The following POC5 variants were observed in gnomAD, a reference collection of about 807,000 sequenced individuals.
POC5 encodes centrosomal protein POC5.
A neutral mutation model predicts 62.9 loss-of-function variants in POC5; 48 were observed. The ratio of observed to expected loss-of-function variants is 0.76; its 90% CI spans 0.61 to 0.97. The LOEUF (loss-of-function observed/expected upper bound fraction) is 0.97, where lower values mean the gene tolerates loss of function less well. POC5 is among the 50% of genes least tolerant of loss of function. The probability of loss-of-function intolerance (pLI) is 0.00; values close to 1 mark genes in which losing one functional copy is unlikely to be tolerated. For missense variants in POC5, 696 were observed against 679.5 expected, an observed-to-expected ratio of 1.02 and a Z score of -0.27; for synonymous variants, 236 against 228.2, an observed-to-expected ratio of 1.03 and a Z score of -0.31.
In POC5 at chr5:75,692,570, A is replaced by C. The variant is rs6863912; in HGVS notation, c.691-70T>G. 0.011 allele frequency: 12,332 copies of C among 1,074,768 alleles called. 1,045 individuals are homozygous for C. In the African/African-American group the frequency reaches 0.17, roughly 15 times the overall value. The allele number at this position is 1,074,768 out of a possible 1,614,324, so 66.6% of individuals were successfully genotyped here. ...GCAATTGGTAAAGTGATTTTCTCAT[A>C]TATCAAAAAATGCTAGAGAGGATAG... On this transcript the variant is annotated intron_variant, in intron 6 of 11. Transcript: ENST00000428202.
At chr5:75,712,619 T>C (rs1402192049) in intron 2 of POC5, 1 of 776,014 alleles carries the variant, frequency 1.3e-6, no homozygotes. Flanking sequence ...CTTACTGTGT[T>C]GGTTGAAGCC....
intron 7 of POC5, 77 bp from the exon 8 acceptor site, chr5:75,690,639 G>T: frequency 8.7e-7 from 1 of 1,152,648 alleles, no homozygotes; most frequent in Non-Finnish European, 1.2e-6. Flanking sequence ...AACATAACAT[G>T]GTGGTAAGTG....
intron 5 of POC5, 47 bp from the exon 6 acceptor site, chr5:75,694,878 C>T: frequency 7.7e-7 from 1 of 1,298,892 alleles, no homozygotes; most frequent in Non-Finnish European, 1.1e-6. Flanking sequence ...TCGTTAATAT[C>T]ACTTCTTAAA....
chr5:75,709,952 G>A (rs374588138), intron 2 of POC5, among the ~76,000 whole-genome samples: 2 of 152,226 alleles, frequency 1.3e-5, no homozygotes, highest in African/African-American at 4.8e-5. Flanking sequence ...TCTGCAGCTA[G>A]GTGTGGCCAA....
chr5:75,679,837 G>C (rs55980090), intron 10 of POC5, among the ~76,000 whole-genome samples: 6,501 of 152,110 alleles, frequency 0.043, 183 homozygotes, highest in Non-Finnish European at 0.063. Flanking sequence ...GATAATGTTT[G>C]AAATTAATAA....
At chr5:75,694,573 G>C in intron 6 of POC5, 82 bp downstream of exon 6, 1 of 1,141,500 alleles carries the variant, frequency 8.8e-7, no homozygotes. Context: ...TCTTGTATGA[G>C]GTAAATAATC....
At chr5:75,715,439 C>G (rs973679383) in intron 1 of POC5, among the ~76,000 whole-genome samples, 1 of 151,886 alleles carries the variant, frequency 6.6e-6, no homozygotes, top group African/African-American at 2.4e-5. Flanking sequence ...GAAGGGGAAG[C>G]AGGCACATCT....
At chr5:75,680,452 A>C (rs915788542) in intron 10 of POC5, among the ~76,000 whole-genome samples, 4 of 152,130 alleles carry the variant, frequency 2.6e-5, no homozygotes, top group African/African-American at 7.2e-5. Context: ...CTGTAAATAA[A>C]ATGACTTCTA....
chr5:75,701,375 GA>G (rs1251870128), intron 5 of POC5, among the ~76,000 whole-genome samples: 4 of 127,150 alleles, frequency 3.1e-5, no homozygotes, highest in African/African-American at 1.1e-4. Context: ...ATACACCATG[GA>G]ATACTATGCA....
chr5:75,715,309 CA>C (rs922297009), intron 1 of POC5, among the ~76,000 whole-genome samples: 158 of 59,326 alleles, frequency 2.7e-3, no homozygotes, highest in African/African-American at 6.2e-3. Flanking sequence ...GACTCCGTCT[CA>C]AAAAAAAAAA....
At chr5:75,688,762 T>G (rs898451852) in intron 9 of POC5, among the ~76,000 whole-genome samples, 13 of 152,356 alleles carry the variant, frequency 8.5e-5, no homozygotes. Flanking sequence ...AATATTATTT[T>G]CAACATTTAG....
At chr5:75,680,428 G>A (rs1161872433) in intron 10 of POC5, among the ~76,000 whole-genome samples, 1 of 151,998 alleles carries the variant, frequency 6.6e-6, no homozygotes, top group African/African-American at 2.4e-5. Flanking sequence ...TCAATAATTT[G>A]AAAATATATA....
At position 75,685,307 on chromosome 5, in the gene POC5, G is replaced by T. The variant is rs762882160; in HGVS notation, c.1307C>A (p.Ala436Asp). ...AGCAGCCCTGGTAGAAGTCATCGAA[G>T]CAGCTGAGGGAACGGCAGTCGCGCT... ...GASATAVPSA[A>D]SMTSTRAASA... Residue 436 changes from alanine (A) to aspartate (D), a missense_variant, in exon 10 of 12, where the codon GCT (alanine) becomes GAT (aspartate). Coordinates refer to ENST00000428202, the MANE Select transcript of POC5 (RefSeq NM_001099271.2). 6.2e-7 allele frequency: 1 copy of T among 1,613,948 alleles called. No homozygotes were observed. The highest frequency in any genetic ancestry group is 1.3e-5 in the African/African-American group (1 of 74,932).
intron 5 of POC5, among the ~76,000 whole-genome samples, chr5:75,696,959 T>C (rs964202261): frequency 3.3e-5 from 5 of 151,576 alleles, no homozygotes; most frequent in African/African-American, 1.2e-4. Context: ...GTATCAGCAA[T>C]GGAAGATGAA....
chr5:75,692,565 C>T (rs1776388280), intron 6 of POC5, 65 bp from the exon 7 acceptor site: 31 of 1,160,278 alleles, frequency 2.7e-5, no homozygotes, highest in Admixed American at 4.4e-5. Context: ...AAGTGATTTT[C>T]TCATATATCA....
At chr5:75,676,739 T>C (rs1044831756) in intron 11 of POC5, among the ~76,000 whole-genome samples, 3 of 152,014 alleles carry the variant, frequency 2.0e-5, no homozygotes, top group Non-Finnish European at 4.4e-5. Context: ...GGAGAATTGT[T>C]TGAACCCAGG....
chr5:75,711,263 A>G (rs544198903), intron 2 of POC5, among the ~76,000 whole-genome samples: 118 of 152,200 alleles, frequency 7.8e-4, no homozygotes, highest in South Asian at 1.5e-3. Context: ...AAAACTTGTA[A>G]TTTTGCCCCC....
At chr5:75,712,482 GC>G (rs1237970933) in intron 2 of POC5, 1 of 1,558,642 alleles carries the variant, frequency 6.4e-7, no homozygotes, top group African/African-American at 1.4e-5. Flanking sequence ...GGAATCTTGA[GC>G]TCTAGAACTT....
intron 2 of POC5, among the ~76,000 whole-genome samples, chr5:75,711,662 T>G (rs986014918): frequency 6.6e-6 from 1 of 152,202 alleles, no homozygotes; most frequent in Admixed American, 6.5e-5. Context: ...ACAGGGAATA[T>G]GGAGAGGCTT....
Sources: gnomAD v4.1 joint callset for allele counts (sites outside exome capture counted in the v4.1 genomes callset) on GRCh38, gnomAD v4.1.1 for gene constraint, MANE v1.5 for transcripts, NCBI Gene and HGNC (gene_info 2026-07-23, HGNC 2026-07-21) for gene names.